Variants in COL28A1 observed in about 807,000 individuals in gnomAD.
COL28A1 encodes collagen alpha-1(XXVIII) chain.
In COL28A1, 161 loss-of-function variants were observed where a neutral mutation model predicts 150.2. That is an observed-to-expected ratio of 1.07 (90% CI 0.94 to 1.22). The LOEUF (loss-of-function observed/expected upper bound fraction) is 1.22, where lower values mean the gene tolerates loss of function less well. COL28A1 is among the 50% of genes most tolerant of loss of function. The pLI is 0.00. For synonymous variants in COL28A1, 552 were observed against 469.7 expected (o/e 1.18, Z -2.26); for missense variants, 1,617 against 1,388.3 (o/e 1.16, Z -2.62).
chr7:7,422,853 C>G (rs1182761221), intron 25 of COL28A1, among the ~76,000 whole-genome samples: 2 of 152,150 alleles, frequency 1.3e-5, no homozygotes, highest in African/African-American at 4.8e-5. Context: ...ACACGTTACA[C>G]AACACCATGA....
intron 11 of COL28A1, among the ~76,000 whole-genome samples, chr7:7,502,656 C>T (rs553120576): frequency 4.7e-4 from 71 of 150,928 alleles, no homozygotes; most frequent in African/African-American, 1.7e-3. Flanking sequence ...GCACAATTAG[C>T]ATTACCGTTT....
At chr7:7,415,582 G>A (rs902035994) in intron 27 of COL28A1, among the ~76,000 whole-genome samples, 2 of 152,212 alleles carry the variant, frequency 1.3e-5, no homozygotes, top group African/African-American at 4.8e-5. Flanking sequence ...TGCCCAGGCA[G>A]GAGTGCAGTG....
intron 27 of COL28A1, among the ~76,000 whole-genome samples, chr7:7,402,681 T>G (rs932143447): frequency 1.3e-5 from 2 of 152,172 alleles, no homozygotes; most frequent in African/African-American, 2.4e-5. Flanking sequence ...ACTCAATCCA[T>G]AGGTCCTTAT....
At chr7:7,443,707 G>GT (rs1562667376) in intron 19 of COL28A1, 54 bp from the exon 20 acceptor site, 1 of 1,606,184 alleles carries the variant, frequency 6.2e-7, no homozygotes, top group African/African-American at 1.3e-5. Context: ...CAGACTGTAC[G>GT]TATCATCCCA....
At chr7:7,428,059 T>C (rs2128312004) in intron 25 of COL28A1, among the ~76,000 whole-genome samples, 1 of 152,144 alleles carries the variant, frequency 6.6e-6, no homozygotes, top group African/African-American at 2.4e-5. Context: ...TCTTCATTTC[T>C]TCATCTATAA....
intron 31 of COL28A1, among the ~76,000 whole-genome samples, chr7:7,374,104 T>A (rs574743911): frequency 6.7e-6 from 1 of 149,882 alleles, no homozygotes; most frequent in East Asian, 1.9e-4. Context: ...AATACTTATG[T>A]GCTCGTTTCT....
At chr7:7,344,083 T>C in the COL28A1 span, among the ~76,000 whole-genome samples, 1 of 152,078 alleles carries the variant, frequency 6.6e-6, no homozygotes, top group Non-Finnish European at 1.5e-5. Context: ...ACATTACATA[T>C]AGTTTAGTCT....
chr7:7,380,960 G>T, intron 28 of COL28A1, 98 bp from the exon 29 acceptor site: 2 of 1,011,072 alleles, frequency 2.0e-6, no homozygotes, highest in Non-Finnish European at 3.0e-6. Context: ...GGCATCTCTT[G>T]AAGACCTTCA....
chr7:7,532,806 G>C lies in COL28A1; in HGVS notation c.70C>G (p.Gln24Glu). 8 of 1,608,260 alleles carry C rather than the reference G, an allele frequency of 5.0e-6. No individual in the cohort carries two copies. The highest frequency in any genetic ancestry group is 6.8e-6 in the Non-Finnish European group (8 of 1,178,190). Residue 24 changes from glutamine (Q) to glutamate (E), a missense_variant, in exon 2 of 35, where the codon CAA becomes GAA. Coordinates refer to ENST00000399429, the MANE Select transcript of COL28A1 (RefSeq NM_001037763.3). ...SAFTSQTVSG[Q>E]RKKGPKSNLL... ...TTTGATTTTGGTCCTTTCTTTCTTT[G>C]TCCGGATACTGTTTGACTCGTAAAC...
At chr7:7,478,689 G>A (rs886709872) in intron 13 of COL28A1, among the ~76,000 whole-genome samples, 4 of 152,240 alleles carry the variant, frequency 2.6e-5, no homozygotes, top group African/African-American at 7.2e-5. Context: ...GCCCTGCCCC[G>A]CGGAGAGGCA....
intron 13 of COL28A1, among the ~76,000 whole-genome samples, chr7:7,487,531 T>A (rs780937499): frequency 5.9e-5 from 9 of 152,144 alleles, no homozygotes; most frequent in Non-Finnish European, 1.3e-4. Flanking sequence ...TGAGCCGAGA[T>A]CATGCCTCTG....
At chr7:7,427,635 T>G (rs1784722567) in intron 25 of COL28A1, among the ~76,000 whole-genome samples, 1 of 152,206 alleles carries the variant, frequency 6.6e-6, no homozygotes, top group Admixed American at 6.5e-5. Context: ...ATAATGATAC[T>G]CAGTGGAATT....
At chr7:7,538,948 T>C (rs1782736278), upstream of COL28A1, among the ~76,000 whole-genome samples, 1 of 152,138 alleles carries the variant, frequency 6.6e-6, no homozygotes, top group Non-Finnish European at 1.5e-5. Flanking sequence ...TTTCCTTTCT[T>C]TCTTTCTTTT....
chr7:7,457,260 C>G (rs529022170), intron 15 of COL28A1, among the ~76,000 whole-genome samples: 1 of 152,118 alleles, frequency 6.6e-6, no homozygotes, highest in Non-Finnish European at 1.5e-5. Context: ...GTATGGAGAA[C>G]AGACTGAAGG....
At chr7:7,395,350 G>A (rs1782778241) in intron 27 of COL28A1, among the ~76,000 whole-genome samples, 1 of 152,058 alleles carries the variant, frequency 6.6e-6, no homozygotes, top group Non-Finnish European at 1.5e-5. Context: ...CCCAAACCCA[G>A]GCTTAATTCA....
chr7:7,439,897 A>G (rs1391166864), intron 21 of COL28A1, among the ~76,000 whole-genome samples: 1 of 152,192 alleles, frequency 6.6e-6, no homozygotes, highest in Non-Finnish European at 1.5e-5. Context: ...GAAGTTTAAG[A>G]GTCACTGGTG....
chr7:7,488,937 T>C (rs896128434), intron 13 of COL28A1, among the ~76,000 whole-genome samples: 11 of 152,198 alleles, frequency 7.2e-5, no homozygotes, highest in African/African-American at 2.7e-4. Context: ...ATATACATAG[T>C]TCTATTTCAA....
At chr7:7,402,174 T>G (rs546237442) in intron 27 of COL28A1, among the ~76,000 whole-genome samples, 1 of 152,244 alleles carries the variant, frequency 6.6e-6, no homozygotes, top group Non-Finnish European at 1.5e-5. Context: ...GAAACTGTTT[T>G]GCACATTGAC....
chr7:7,398,534 T>C (rs1782976464), intron 27 of COL28A1, among the ~76,000 whole-genome samples: 1 of 152,230 alleles, frequency 6.6e-6, no homozygotes, highest in African/African-American at 2.4e-5. Flanking sequence ...GACAATGAAA[T>C]TGTTCTTAGT....
Sources: allele counts gnomAD v4.1 joint callset (sites outside exome capture counted in the v4.1 genomes callset), GRCh38; gene constraint gnomAD v4.1.1; transcripts MANE v1.5; gene names NCBI Gene and HGNC (gene_info 2026-07-23, HGNC 2026-07-21).